Variants in SLC4A5 observed in about 807,000 individuals in gnomAD.
SLC4A5 encodes the protein solute carrier family 4 member 5, also known as electrogenic sodium bicarbonate cotransporter 4.
A neutral mutation model predicts 120.4 loss-of-function variants in SLC4A5; 96 were observed. The observed-to-expected ratio is 0.80, with a 90% confidence interval of 0.68 to 0.94. SLC4A5 has a LOEUF of 0.94. Among genes scored for constraint, SLC4A5 ranks in the 40% least tolerant of loss-of-function variants. The pLI is 0.00. For synonymous variants in SLC4A5, 550 were observed against 571.1 expected, an observed-to-expected ratio of 0.96 and a Z score of 0.53; for missense variants, 1,259 against 1,459.5, an observed-to-expected ratio of 0.86 and a Z score of 2.24.
intron 19 of SLC4A5, among the ~76,000 whole-genome samples, chr2:74,246,452 T>C (rs1274855176): frequency 1.3e-5 from 2 of 152,180 alleles, no homozygotes; most frequent in African/African-American, 4.8e-5. Context: ...CACAGCTCCT[T>C]TGTGACATGA....
In SLC4A5 at chr2:74,233,414, C is replaced by T. The variant is rs1472392034; in HGVS notation, c.2583G>A (p.Glu861=). 2.5e-6 allele frequency: 4 copies of T among 1,614,200 alleles called. No homozygotes were observed. In the East Asian group the frequency reaches 6.7e-5, roughly 27 times the overall value. Reference sequence around the variant, plus strand: ...GTACCGGCCTTACCTTCAGTTTGTTCTCCTTCCGGTTGACAATGACGGCAG... The same window carrying T: ...GTACCGGCCTTACCTTCAGTTTGTTTTCCTTCCGGTTGACAATGACGGCAG... The change falls in exon 23 of 31, where the codon GAG becomes GAA. Residue 861 remains glutamate, a synonymous_variant. Coordinates refer to ENST00000394019, the Ensembl canonical transcript of SLC4A5.
At position 74,244,002 on chromosome 2, in the gene SLC4A5, G is replaced by C. The variant is rs75635118; in HGVS notation, c.2060-1950C>G. On this transcript the variant is annotated intron_variant, in intron 19 of 30. Coordinates refer to ENST00000394019, the Ensembl canonical transcript of SLC4A5. The stretch of plus-strand genomic sequence containing the variant: ...TATGATGAAGAGTGACAAAGAGTGA[G>C]AGTATACTATAGTAAGACTGGGCTT... 8.3e-3 allele frequency among the ~76,000 whole-genome samples: 1,268 copies of C among 152,274 alleles called. 19 individuals are homozygous for C. Among genetic ancestry groups the C allele is most frequent in the African/African-American group, 0.03 (1,226 of 41,534 alleles).
intron 25 of SLC4A5, among the ~76,000 whole-genome samples, chr2:74,229,104 C>CTTTTTTTTCTTTT (rs1553451212): frequency 1.2e-4 from 12 of 98,590 alleles, no homozygotes; most frequent in African/African-American, 4.5e-4. Context: ...TAGATTTGAG[C>CTTTTTTTTCTTTT]TTTTTTTTTT....
chr2:74,223,298 C>T (rs536317044), intron 28 of SLC4A5, among the ~76,000 whole-genome samples: 2 of 152,272 alleles, frequency 1.3e-5, no homozygotes, highest in South Asian at 2.1e-4. Flanking sequence ...AGCCACCGCG[C>T]GTGGCCAACA....
chr2:74,251,252 T>C (rs933419715), intron 16 of SLC4A5, among the ~76,000 whole-genome samples: 1 of 151,828 alleles, frequency 6.6e-6, no homozygotes, highest in African/African-American at 2.4e-5. Context: ...CCAAATTCCC[T>C]GGGCTCGGGG....
intron 8 of SLC4A5, among the ~76,000 whole-genome samples, chr2:74,273,099 G>T (rs891027297): frequency 6.6e-6 from 1 of 152,178 alleles, no homozygotes; most frequent in African/African-American, 2.4e-5. Flanking sequence ...AATCTCAGGG[G>T]ACTGACAATC....
intron 13 of SLC4A5, 115 bp from the exon 14 acceptor site, chr2:74,254,821 T>TC: frequency 4.1e-6 from 3 of 723,200 alleles, no homozygotes; most frequent in Non-Finnish European, 6.8e-6. Context: ...GTATGCATTT[T>TC]TTTTTTTTTT....
intron 16 of SLC4A5, 23 bp from the exon 17 acceptor site, chr2:74,250,540 C>T (rs779926162): frequency 6.2e-7 from 1 of 1,613,482 alleles, no homozygotes; most frequent in Non-Finnish European, 8.5e-7. Context: ...GGCCCAGGGG[C>T]TGCTTTCTCA....
chr2:74,341,671 T>G (rs928368021), intron 2 of SLC4A5, among the ~76,000 whole-genome samples: 1 of 152,220 alleles, frequency 6.6e-6, no homozygotes, highest in East Asian at 1.9e-4. Flanking sequence ...CAAGGGATCA[T>G]AAGTCCTGGG....
intron 16 of SLC4A5, chr2:74,250,726 T>A (rs1053859486): frequency 1.7e-6 from 1 of 573,540 alleles, no homozygotes; most frequent in Admixed American, 3.1e-5. Flanking sequence ...TTGGGAAGGG[T>A]GGACATAGAG....
At chr2:74,229,339 T>G (rs1437890273) in intron 25 of SLC4A5, among the ~76,000 whole-genome samples, 2 of 151,220 alleles carry the variant, frequency 1.3e-5, no homozygotes, top group Non-Finnish European at 2.9e-5. Flanking sequence ...AGCCTCCACC[T>G]CCCGGGCTCA....
chr2:74,251,434 A>C (rs1670786684), intron 16 of SLC4A5, among the ~76,000 whole-genome samples: 2 of 152,140 alleles, frequency 1.3e-5, no homozygotes, highest in African/African-American at 4.8e-5. Context: ...GCTGGAAAAG[A>C]AACCCAGGCC....
At chr2:74,219,176 GGT>G (rs58141033) in intron 30 of SLC4A5, among the ~76,000 whole-genome samples, 25,733 of 134,168 alleles carry the variant, frequency 0.19, 2,402 homozygotes, top group East Asian at 0.39. Flanking sequence ...GCTCTTTGGA[GGT>G]GTGTGTGTGT....
chr2:74,314,659 T>A (rs1672907588), intron 6 of SLC4A5, among the ~76,000 whole-genome samples: 1 of 152,212 alleles, frequency 6.6e-6, no homozygotes, highest in South Asian at 2.1e-4. Flanking sequence ...TTGGCATTTA[T>A]TATGGTTTGC....
chr2:74,287,741 T>A (rs1218599154), intron 7 of SLC4A5, among the ~76,000 whole-genome samples: 1 of 152,124 alleles, frequency 6.6e-6, no homozygotes, highest in Non-Finnish European at 1.5e-5. Flanking sequence ...TCCATCAACA[T>A]CCTTTCTTCC....
chr2:74,247,229 G>T, exon 19 of SLC4A5: 1 of 1,614,202 alleles, frequency 6.2e-7, no homozygotes, highest in Non-Finnish European at 8.5e-7. Flanking sequence ...TGGCATCTGT[G>T]GCCACTAGGA....
At chr2:74,252,182 C>A in exon 16 of SLC4A5, 1 of 1,612,690 alleles carries the variant, frequency 6.2e-7, no homozygotes, top group Admixed American at 1.7e-5. Context: ...TGGGCACCTT[C>A]CTGTCCAGAT....
At chr2:74,326,993 T>G (rs1007156069) in intron 5 of SLC4A5, among the ~76,000 whole-genome samples, 1 of 152,170 alleles carries the variant, frequency 6.6e-6, no homozygotes, top group African/African-American at 2.4e-5. Flanking sequence ...ATCTGGTGTT[T>G]AGGTGCCCAC....
chr2:74,318,411 G>A (rs536328196), intron 5 of SLC4A5, among the ~76,000 whole-genome samples: 24 of 152,292 alleles, frequency 1.6e-4, no homozygotes, highest in Admixed American at 1.0e-3. Context: ...TAGGCCTGGC[G>A]AGGTGGCTCA....
Sources: gnomAD v4.1 joint callset for allele counts (sites outside exome capture counted in the v4.1 genomes callset) on GRCh38, gnomAD v4.1.1 for gene constraint, MANE v1.5 for transcripts, NCBI Gene and HGNC (gene_info 2026-07-23, HGNC 2026-07-21) for gene names.